The following LDLRAD4 variants were observed in gnomAD, a reference collection of about 807,000 sequenced individuals.
LDLRAD4 encodes low-density lipoprotein receptor class A domain-containing protein 4.
A neutral mutation model predicts 17.0 loss-of-function variants in LDLRAD4; 5 were observed. That is an observed-to-expected ratio of 0.29 (90% confidence interval 0.15 to 0.62). LDLRAD4 has a LOEUF of 0.62. LDLRAD4 is among the 20% of genes least tolerant of loss of function. LDLRAD4 has a pLI of 0.84. For synonymous variants in LDLRAD4, 168 were observed against 171.8 expected, an observed-to-expected ratio of 0.98 and a Z score of 0.17; for missense variants, 340 against 424.7, an observed-to-expected ratio of 0.80 and a Z score of 1.75.
At chr18:13,312,824 T>A (rs2047313934) in intron 1 of LDLRAD4, among the ~76,000 whole-genome samples, 1 of 152,174 alleles carries the variant, frequency 6.6e-6, no homozygotes, top group Non-Finnish European at 1.5e-5. Context: ...CTCTTGAAAG[T>A]ATATGAATGA....
intron 3 of LDLRAD4, among the ~76,000 whole-genome samples, chr18:13,572,516 A>G (rs2094707480): frequency 6.6e-6 from 1 of 152,238 alleles, no homozygotes; most frequent in Admixed American, 6.5e-5. Context: ...GGGATCCTTC[A>G]GTCCTTGTCA....
chr18:13,533,270 A>T lies in LDLRAD4; in HGVS notation c.182-87847A>T, dbSNP rs143644414. On this transcript the variant is annotated intron_variant, in intron 3 of 5. Transcript: ENST00000359446. ...AATGGATTTTTCATCTTGAAACCCC[A>T]GTCACTTTGATGTATTTCTGGTCCC... Among the ~76,000 whole-genome samples the T allele has an allele frequency of 8.1e-3, 1,233 of 152,284 alleles. 10 individuals are homozygous for T. Among genetic ancestry groups the T allele is most frequent in the Non-Finnish European group, 0.011 (766 of 68,012 alleles).
rs548470259 is a variant in LDLRAD4, at chr18:13,606,901, G to A, written c.182-14216G>A. 2.3e-3 allele frequency among the ~76,000 whole-genome samples: 349 copies of A among 152,298 alleles called. 2 individuals are homozygous for A. Among genetic ancestry groups the A allele is most frequent in the African/African-American group, 8.0e-3 (331 of 41,562 alleles). On this transcript the variant is annotated intron_variant, in intron 3 of 5. Transcript: ENST00000359446. ...ACAAGAGCTGCATTAACAGGCAGAC[G>A]AGACACATAAAATGGCTCCAAGAGC...
chr18:13,466,334 G>T (rs962884324), intron 3 of LDLRAD4, among the ~76,000 whole-genome samples: 3 of 151,988 alleles, frequency 2.0e-5, no homozygotes, highest in Non-Finnish European at 4.4e-5. Flanking sequence ...GCTGGGGGTG[G>T]TGGCGGGTCC....
chr18:13,295,393 C>T (rs963155401), intron 1 of LDLRAD4, among the ~76,000 whole-genome samples: 1 of 152,150 alleles, frequency 6.6e-6, no homozygotes, highest in African/African-American at 2.4e-5. Flanking sequence ...ATACTGTGCC[C>T]GAGCCCAGGG....
chr18:13,254,040 G>T (rs2043368864), intron 1 of LDLRAD4, among the ~76,000 whole-genome samples: 1 of 152,266 alleles, frequency 6.6e-6, no homozygotes, highest in Non-Finnish European at 1.5e-5. Context: ...CAGACCTGCT[G>T]CTGGGAGATA....
At chr18:13,470,109 A>G (rs987972883) in intron 3 of LDLRAD4, among the ~76,000 whole-genome samples, 1 of 152,202 alleles carries the variant, frequency 6.6e-6, no homozygotes, top group Non-Finnish European at 1.5e-5. Context: ...ATGGTGGAGC[A>G]GTTGCCCTTT....
At chr18:13,426,955 G>A (rs2089982200) in intron 2 of LDLRAD4, among the ~76,000 whole-genome samples, 2 of 152,192 alleles carry the variant, frequency 1.3e-5, no homozygotes, top group Admixed American at 1.3e-4. Flanking sequence ...GGAGGCTGAG[G>A]CGGGCGGATC....
At chr18:13,487,106 C>A (rs1315861968) in intron 3 of LDLRAD4, 1 of 152,174 alleles carries the variant, frequency 6.6e-6, no homozygotes, top group Non-Finnish European at 1.5e-5. Flanking sequence ...AAATAGGGGT[C>A]TTTTTTCCTT....
At chr18:13,652,415 A>AAT (rs1241840978) in exon 6 of LDLRAD4, 17 of 152,416 alleles carry the variant, frequency 1.1e-4, no homozygotes, top group Admixed American at 1.1e-3. Context: ...ATTATAAAGC[A>AAT]ATCTACTAAA....
At position 13,507,345 on chromosome 18, in the gene LDLRAD4, T is replaced by TA. The variant is rs1422360057; in HGVS notation, c.181+68962dup. Among the ~76,000 whole-genome samples, 4 of 152,268 alleles carry TA rather than the reference T, an allele frequency of 2.6e-5. No homozygotes were observed. The South Asian group carries it at 6.2e-4, about 24-fold the overall frequency. The stretch of plus-strand genomic sequence containing the variant: ...TCCCAACTTCCCCGCGAAGTCCCCA[T>TA]AGTCCATTATATCATTCTTATGCCT... On this transcript the variant is annotated intron_variant, in intron 3 of 5. Coordinates refer to ENST00000359446, the Ensembl canonical transcript of LDLRAD4.
chr18:13,412,950 C>T lies in LDLRAD4; in HGVS notation c.40+25188C>T, dbSNP rs578157529. On this transcript the variant is annotated intron_variant, in intron 2 of 5. Coordinates refer to ENST00000359446, the Ensembl canonical transcript of LDLRAD4. Reference sequence around the variant, plus strand: ...AAGACTGTCCTGAGCTTCCTGGATGCGCTGCTTCCTTCTCCTGGTACGTAG... The same window carrying T: ...AAGACTGTCCTGAGCTTCCTGGATGTGCTGCTTCCTTCTCCTGGTACGTAG... 2.7e-4 allele frequency among the ~76,000 whole-genome samples: 41 copies of T among 152,314 alleles called. No individual in the cohort carries two copies. In the South Asian group the frequency reaches 6.0e-3, roughly 22 times the overall value.
intron 3 of LDLRAD4, among the ~76,000 whole-genome samples, chr18:13,483,450 T>C (rs77778289): frequency 0.073 from 11,128 of 152,260 alleles, 523 homozygotes; most frequent in Non-Finnish European, 0.11. Context: ...CCGGGGGTCA[T>C]GTCAGGCATC....
chr18:13,638,529 C>T (rs955608820), intron 4 of LDLRAD4, among the ~76,000 whole-genome samples: 2 of 152,222 alleles, frequency 1.3e-5, no homozygotes, highest in African/African-American at 2.4e-5. Context: ...CAAGAGGCCT[C>T]TGAAAGCTGC....
chr18:13,379,529 A>G (rs1233074165), intron 1 of LDLRAD4, among the ~76,000 whole-genome samples: 1 of 152,244 alleles, frequency 6.6e-6, no homozygotes, highest in Non-Finnish European at 1.5e-5. Flanking sequence ...TCTGGGCCCC[A>G]TGGTGACAGG....
intron 4 of LDLRAD4, among the ~76,000 whole-genome samples, chr18:13,625,400 GC>G (rs2041042929): frequency 6.6e-6 from 1 of 152,154 alleles, no homozygotes; most frequent in African/African-American, 2.4e-5. Context: ...CAGGCCAGCA[GC>G]CTTACTTGGC....
chr18:13,246,128 A>C (rs1225969948), intron 1 of LDLRAD4, among the ~76,000 whole-genome samples: 3 of 152,246 alleles, frequency 2.0e-5, no homozygotes, highest in Non-Finnish European at 4.4e-5. Context: ...GAGGCTAATT[A>C]AAGTGTGCGA....
At chr18:13,413,225 A>T (rs1279259568) in intron 2 of LDLRAD4, among the ~76,000 whole-genome samples, 4 of 151,802 alleles carry the variant, frequency 2.6e-5, no homozygotes, top group African/African-American at 9.7e-5. Flanking sequence ...TTGCAAAGGC[A>T]CTCCCTTTCC....
chr18:13,395,165 C>T (rs370921327), intron 2 of LDLRAD4, among the ~76,000 whole-genome samples: 10 of 151,964 alleles, frequency 6.6e-5, no homozygotes, highest in East Asian at 5.8e-4. Context: ...AGATAATGGC[C>T]AGTGAGTAGG....
Sources: gnomAD v4.1 joint callset for allele counts (sites outside exome capture counted in the v4.1 genomes callset) on GRCh38, gnomAD v4.1.1 for gene constraint, MANE v1.5 for transcripts, NCBI Gene and HGNC (gene_info 2026-07-23, HGNC 2026-07-21) for gene names.